Variants in NRG3 observed in about 807,000 individuals in gnomAD.
The protein encoded by NRG3 is neuregulin 3, also known as pro-neuregulin-3, membrane-bound isoform.
NRG3 carries 31 observed loss-of-function variants against 66.9 expected under a neutral mutation model. That is an observed-to-expected ratio of 0.46 (90% confidence interval 0.35 to 0.63). NRG3 has a LOEUF of 0.63. Ranked by LOEUF, NRG3 falls within the 20% of genes least tolerant of loss-of-function variation. The pLI is 0.00. For missense variants in NRG3, 910 were observed against 878.9 expected (o/e 1.04, Z -0.45); for synonymous variants, 393 against 359.4 (o/e 1.09, Z -1.06).
chr10:82,974,344 ATCT>A (rs1271764099), intron 7 of NRG3, among the ~76,000 whole-genome samples: 2 of 152,170 alleles, frequency 1.3e-5, no homozygotes, highest in Non-Finnish European at 2.9e-5. Flanking sequence ...AGCCTGGTGA[ATCT>A]TCTTCTTGGG....
intron 2 of NRG3, among the ~76,000 whole-genome samples, chr10:82,697,471 C>A (rs2055481909): frequency 6.6e-6 from 1 of 152,144 alleles, no homozygotes; most frequent in South Asian, 2.1e-4. Context: ...CGTTCATGAA[C>A]TTTTTCTTCT....
chr10:82,889,999 C>T (rs976490347), intron 4 of NRG3, among the ~76,000 whole-genome samples: 1 of 152,112 alleles, frequency 6.6e-6, no homozygotes, highest in Non-Finnish European at 1.5e-5. Context: ...GACTTCTATT[C>T]TGAGACTGGT....
intron 2 of NRG3, among the ~76,000 whole-genome samples, chr10:82,544,495 G>C (rs77265067): frequency 1.3e-5 from 2 of 152,046 alleles, no homozygotes; most frequent in African/African-American, 4.8e-5. Context: ...ACTTGATTTA[G>C]CCAATGGGAT....
intron 1 of NRG3, among the ~76,000 whole-genome samples, chr10:82,261,297 C>T (rs10159492): frequency 0.14 from 20,905 of 152,154 alleles, 1,507 homozygotes; most frequent in East Asian, 0.24. Flanking sequence ...TGTCTCCTGC[C>T]ACCATATGAA....
At position 82,141,303 on chromosome 10, in the gene NRG3, T is replaced by A. The variant is rs572477100; in HGVS notation, c.824-217436T>A. 8.5e-5 allele frequency among the ~76,000 whole-genome samples: 13 copies of A among 152,312 alleles called. No homozygotes were observed. In the East Asian group the frequency reaches 2.5e-3, roughly 29 times the overall value. On this transcript the variant is annotated intron_variant, in intron 1 of 8. Coordinates refer to ENST00000372141, the MANE Select transcript of NRG3 (RefSeq NM_001010848.4). The stretch of plus-strand genomic sequence containing the variant: ...TCCTTTTGCAAATGTGCTTTTTAGA[T>A]AACTCACTGGACCTAAACACTTGGC...
In NRG3 at chr10:81,935,756, C is replaced by A. The variant is rs1021343353; in HGVS notation, c.823+59593C>A. 2.6e-5 allele frequency among the ~76,000 whole-genome samples: 4 copies of A among 152,146 alleles called. No individual in the cohort carries two copies. In the South Asian group the frequency reaches 6.2e-4, roughly 24 times the overall value. ...CTTCAGGACCACCTCCTCTGAGGAG[C>A]CTTCCTGACCAACCTGTATAACCCT... On this transcript the variant is annotated intron_variant, in intron 1 of 8. Transcript: ENST00000372141.
chr10:82,207,245 T>C (rs2075164935), intron 1 of NRG3, among the ~76,000 whole-genome samples: 1 of 152,200 alleles, frequency 6.6e-6, no homozygotes, highest in Non-Finnish European at 1.5e-5. Flanking sequence ...AATATTATTT[T>C]TGGCACTTTT....
At chr10:81,995,165 T>C (rs1328279887) in intron 1 of NRG3, among the ~76,000 whole-genome samples, 2 of 152,196 alleles carry the variant, frequency 1.3e-5, no homozygotes, top group Admixed American at 6.5e-5. Flanking sequence ...CTTGGTGTTT[T>C]CCATCCAATG....
At chr10:82,352,871 T>G (rs921909735) in intron 1 of NRG3, among the ~76,000 whole-genome samples, 3 of 146,998 alleles carry the variant, frequency 2.0e-5, no homozygotes, top group Non-Finnish European at 3.0e-5. Context: ...CAGCAGTGAC[T>G]GATTGCTATG....
chr10:82,673,870 C>G (rs1189541975), intron 2 of NRG3, among the ~76,000 whole-genome samples: 1 of 152,142 alleles, frequency 6.6e-6, no homozygotes, highest in Non-Finnish European at 1.5e-5. Context: ...AAGCCAGTGT[C>G]ATGAATTCAA....
At chr10:82,180,703 C>T (rs2073356896) in intron 1 of NRG3, among the ~76,000 whole-genome samples, 1 of 151,748 alleles carries the variant, frequency 6.6e-6, no homozygotes, top group South Asian at 2.1e-4. Flanking sequence ...TTGTAGATTC[C>T]TTTTCTTGCA....
At chr10:82,102,113 C>CATATATATATAT (rs768945621) in intron 1 of NRG3, among the ~76,000 whole-genome samples, 29 of 86,002 alleles carry the variant, frequency 3.4e-4, no homozygotes, top group African/African-American at 1.2e-3. Flanking sequence ...TATGTGTATT[C>CATATATATATAT]ATATATATAT....
intron 2 of NRG3, among the ~76,000 whole-genome samples, chr10:82,682,353 G>A (rs2036053395): frequency 6.6e-6 from 1 of 152,008 alleles, no homozygotes; most frequent in Non-Finnish European, 1.5e-5. Flanking sequence ...ATAGATGAAA[G>A]ATAAGATAGA....
At chr10:82,721,679 T>A (rs2057331336) in intron 2 of NRG3, among the ~76,000 whole-genome samples, 1 of 152,134 alleles carries the variant, frequency 6.6e-6, no homozygotes, top group African/African-American at 2.4e-5. Flanking sequence ...CATCTCAGCC[T>A]CCCAAAATGC....
chr10:82,191,414 A>G (rs1209112755), intron 1 of NRG3, among the ~76,000 whole-genome samples: 1 of 152,040 alleles, frequency 6.6e-6, no homozygotes, highest in Non-Finnish European at 1.5e-5. Context: ...TATAAATGCA[A>G]CCCTAGTCTC....
rs575027649 is a variant in NRG3, at chr10:82,050,530, A to G, written c.823+174367A>G. Among the ~76,000 whole-genome samples the G allele has an allele frequency of 3.2e-4, 48 of 152,050 alleles. 2 individuals are homozygous for G. The South Asian group carries it at 8.3e-3, about 26-fold the overall frequency. On this transcript the variant is annotated intron_variant, in intron 1 of 8. Coordinates refer to ENST00000372141, the MANE Select transcript of NRG3 (RefSeq NM_001010848.4). ...TGTTAGTCTGTGTGTCCTGCAGACT[A>G]ACGGCACAAAGAAAGATAGAAGGTC...
intron 3 of NRG3, among the ~76,000 whole-genome samples, chr10:82,835,817 C>T (rs1019482095): frequency 6.6e-6 from 1 of 152,120 alleles, no homozygotes; most frequent in African/African-American, 2.4e-5. Context: ...TTATTGGGGA[C>T]TGTAGAATAG....
intron 2 of NRG3, among the ~76,000 whole-genome samples, chr10:82,666,285 A>C (rs1188293085): frequency 6.6e-6 from 1 of 152,166 alleles, no homozygotes; most frequent in Non-Finnish European, 1.5e-5. Context: ...CAAGTCTTCA[A>C]ACCTTTATTA....
chr10:82,232,837 G>A, intron 1 of NRG3: 2 of 717,282 alleles, frequency 2.8e-6, no homozygotes, highest in South Asian at 1.5e-5. Flanking sequence ...GTAAGGCATG[G>A]CCTTTGTTGG....
Sources: allele counts gnomAD v4.1 joint callset (sites outside exome capture counted in the v4.1 genomes callset), GRCh38; gene constraint gnomAD v4.1.1; transcripts MANE v1.5; gene names NCBI Gene and HGNC (gene_info 2026-07-23, HGNC 2026-07-21).